The following TBC1D8 variants were observed in gnomAD, a reference collection of about 807,000 sequenced individuals.
TBC1D8 encodes the protein BUB2-like protein 1.
Under a neutral mutation model 118.8 loss-of-function variants are expected in TBC1D8, and 65 were observed. The observed-to-expected ratio is 0.55, with a 90% CI of 0.45 to 0.67. TBC1D8 has a LOEUF of 0.67. Ranked by LOEUF, TBC1D8 falls within the 30% of genes least tolerant of loss-of-function variation. The probability of loss-of-function intolerance (pLI) is 0.00; values close to 1 mark genes in which losing one functional copy is unlikely to be tolerated. For missense variants in TBC1D8, 1,376 were observed against 1,471.2 expected (o/e 0.94, Z 1.06); for synonymous variants, 566 against 595.8 (o/e 0.95, Z 0.73).
rs149213622 is a variant in TBC1D8, at chr2:101,023,679, C to T, written c.2521-1158G>A. 608 of 411,386 alleles carry T rather than the reference C, an allele frequency of 1.5e-3. 3 individuals are homozygous for T. The highest frequency in any genetic ancestry group is 0.011 in the African/African-American group (516 of 46,064). 25.5% of individuals were successfully genotyped at this position (411,386 alleles called of 1,614,324 possible). On this transcript the variant is annotated intron_variant, in intron 15 of 19. Coordinates refer to ENST00000409318, the MANE Select transcript of TBC1D8 (RefSeq NM_001330348.2). The stretch of plus-strand genomic sequence containing the variant: ...GGAATAGACTGAAAACTAACAAAAC[C>T]GGCCCCATCGCTGAGGACCAGGTGA...
At chr2:101,015,417 A>C (rs1016363608) in intron 17 of TBC1D8, among the ~76,000 whole-genome samples, 19 of 152,184 alleles carry the variant, frequency 1.2e-4, no homozygotes, top group African/African-American at 4.1e-4. Flanking sequence ...TTTTAAAAAT[A>C]TTCTTCTTCA....
intron 17 of TBC1D8, among the ~76,000 whole-genome samples, chr2:101,016,070 A>G (rs567343907): frequency 2.0e-5 from 3 of 152,178 alleles, no homozygotes; most frequent in African/African-American, 7.2e-5. Flanking sequence ...AAAATTGACA[A>G]ATGGGATCTA....
intron 1 of TBC1D8, among the ~76,000 whole-genome samples, chr2:101,139,820 C>T (rs1005087476): frequency 1.3e-5 from 2 of 152,162 alleles, no homozygotes; most frequent in African/African-American, 4.8e-5. Flanking sequence ...ATGTTCCAAC[C>T]CAAATTCATT....
rs1574032371 is a variant in TBC1D8 at position 101,099,746 on chromosome 2, A to G, written c.128-9382T>C. Reference sequence around the variant, plus strand: ...AAACATAATCTATCACATGAACAGAACCAAAGACAAAAACCACATGATTAT... The same window carrying G: ...AAACATAATCTATCACATGAACAGAGCCAAAGACAAAAACCACATGATTAT... On this transcript the variant is annotated intron_variant, in intron 1 of 19. Transcript: ENST00000409318. Among the ~76,000 whole-genome samples, 5 of 152,350 alleles carry G rather than the reference A, an allele frequency of 3.3e-5. 1 individual carries two copies. Among genetic ancestry groups the G allele is most frequent in the Admixed American group, 3.3e-4 (5 of 15,304 alleles).
chr2:101,109,626 T>C (rs1677458457), intron 1 of TBC1D8, among the ~76,000 whole-genome samples: 2 of 152,036 alleles, frequency 1.3e-5, no homozygotes, highest in African/African-American at 2.4e-5. Context: ...AAAATACTGC[T>C]GTTCTTCCTA....
At chr2:101,066,153 G>A (rs939942576) in intron 2 of TBC1D8, among the ~76,000 whole-genome samples, 5 of 151,976 alleles carry the variant, frequency 3.3e-5, no homozygotes, top group Admixed American at 6.6e-5. Context: ...GTGTGGTGGC[G>A]GGTGCTGGTA....
At chr2:101,111,154 T>C (rs1443850262) in intron 1 of TBC1D8, among the ~76,000 whole-genome samples, 2 of 152,160 alleles carry the variant, frequency 1.3e-5, no homozygotes, top group Non-Finnish European at 2.9e-5. Flanking sequence ...CAAAGTAAAA[T>C]TCATAATCCA....
At chr2:101,049,196 G>C (rs1278208251) in intron 5 of TBC1D8, among the ~76,000 whole-genome samples, 1 of 152,012 alleles carries the variant, frequency 6.6e-6, no homozygotes, top group Admixed American at 6.6e-5. Context: ...AATAACTAGT[G>C]GTTCTTTAAA....
intron 1 of TBC1D8, among the ~76,000 whole-genome samples, chr2:101,146,403 T>C (rs928343860): frequency 3.9e-5 from 6 of 152,236 alleles, no homozygotes; most frequent in Non-Finnish European, 5.9e-5. Context: ...AAGGTAACCA[T>C]GTTGCAAAGC....
At chr2:101,028,219 A>T in intron 13 of TBC1D8, 73 bp from the exon 14 acceptor site, 1 of 1,599,964 alleles carries the variant, frequency 6.3e-7, no homozygotes, top group Non-Finnish European at 8.5e-7. Flanking sequence ...GTGGCCCAGG[A>T]ACCTCCTTCC....
intron 1 of TBC1D8, among the ~76,000 whole-genome samples, chr2:101,121,803 C>G (rs190728908): frequency 6.6e-6 from 1 of 152,194 alleles, no homozygotes; most frequent in East Asian, 1.9e-4. Context: ...CAGTGGCTCA[C>G]GCCTGTAATC....
intron 17 of TBC1D8, chr2:101,018,117 A>C (rs1679789096): frequency 1.8e-6 from 1 of 553,038 alleles, no homozygotes; most frequent in Admixed American, 3.3e-5. Flanking sequence ...TTTTCATATA[A>C]AGTTTTCAGA....
intron 1 of TBC1D8, among the ~76,000 whole-genome samples, chr2:101,117,874 CT>C (rs35760018): frequency 0.014 from 1,591 of 116,178 alleles, 29 homozygotes; most frequent in African/African-American, 0.043. Flanking sequence ...CGCACCCGGC[CT>C]TTTTTTTTTT....
intron 4 of TBC1D8, among the ~76,000 whole-genome samples, chr2:101,053,641 G>T (rs1380526923): frequency 6.6e-6 from 1 of 152,196 alleles, no homozygotes; most frequent in Admixed American, 6.5e-5. Context: ...ATAAACAGGT[G>T]AGCAGTGAAT....
chr2:101,118,554 A>G lies in TBC1D8; in HGVS notation c.128-28190T>C, dbSNP rs181559551. Among the ~76,000 whole-genome samples the G allele has an allele frequency of 1.6e-3, 240 of 152,032 alleles. 1 individual carries two copies. The highest frequency in any genetic ancestry group is 0.014 in the Middle Eastern group (4 of 294). On this transcript the variant is annotated intron_variant, in intron 1 of 19. Transcript: ENST00000409318. ...TACTAAAAATACAAAAAAATTAGCC[A>G]GGCTTGGTGGCAGGCACCTGTAGTC...
intron 15 of TBC1D8, among the ~76,000 whole-genome samples, chr2:101,023,423 G>C (rs1246055296): frequency 1.3e-5 from 2 of 152,018 alleles, no homozygotes; most frequent in East Asian, 3.9e-4. Context: ...TGGGATTATA[G>C]GCATGAGCCA....
intron 17 of TBC1D8, among the ~76,000 whole-genome samples, chr2:101,015,536 G>GA (rs1354787217): frequency 6.6e-6 from 1 of 152,086 alleles, no homozygotes; most frequent in Non-Finnish European, 1.5e-5. Flanking sequence ...GTACAGCTGT[G>GA]AAAAATATTT....
chr2:101,065,824 G>A (rs948363480), intron 2 of TBC1D8, among the ~76,000 whole-genome samples: 1 of 152,076 alleles, frequency 6.6e-6, no homozygotes, highest in Non-Finnish European at 1.5e-5. Context: ...TCATTAAAAT[G>A]TCCTTGTAAT....
intron 15 of TBC1D8, chr2:101,023,645 G>T (rs776883060): frequency 2.3e-5 from 10 of 430,474 alleles, no homozygotes; most frequent in Non-Finnish European, 4.3e-5. Flanking sequence ...AAGGTGAGTT[G>T]AAGTCTTGGG....
Sources: gnomAD v4.1 joint callset for allele counts (sites outside exome capture counted in the v4.1 genomes callset) on GRCh38, gnomAD v4.1.1 for gene constraint, MANE v1.5 for transcripts, NCBI Gene and HGNC (gene_info 2026-07-23, HGNC 2026-07-21) for gene names.